OSCP1: variants seen among roughly 807,000 people sequenced by gnomAD.
The protein encoded by OSCP1 is protein OSCP1.
Under a neutral mutation model 45.1 loss-of-function variants are expected in OSCP1, and 35 were observed. The observed-to-expected ratio is 0.78, with a 90% CI of 0.59 to 1.03. The LOEUF (loss-of-function observed/expected upper bound fraction) is 1.03. Among genes scored for constraint, OSCP1 ranks in the 50% least tolerant of loss-of-function variants. The pLI is 0.00. For synonymous variants in OSCP1, 179 were observed against 180.1 expected, an observed-to-expected ratio of 0.99 and a Z score of 0.05; for missense variants, 400 against 470.7, an observed-to-expected ratio of 0.85 and a Z score of 1.39.
intron 1 of OSCP1, chr1:36,444,054 G>T: frequency 6.2e-7 from 1 of 1,609,268 alleles, no homozygotes; most frequent in Non-Finnish European, 8.5e-7. Flanking sequence ...CATACAAAAA[G>T]AAAACACCAG....
intron 1 of OSCP1, among the ~76,000 whole-genome samples, chr1:36,448,809 G>C (rs1007459383): frequency 3.3e-5 from 5 of 152,214 alleles, no homozygotes; most frequent in Admixed American, 3.3e-4. Flanking sequence ...GTGGAAGAAG[G>C]GACTGCAGAG....
At chr1:36,418,766 A>C (rs1039049639) in intron 9 of OSCP1, among the ~76,000 whole-genome samples, 23 of 150,408 alleles carry the variant, frequency 1.5e-4, no homozygotes, top group African/African-American at 2.2e-4. Flanking sequence ...AAAATACAAA[A>C]AAAAAAAAAA....
intron 4 of OSCP1, among the ~76,000 whole-genome samples, chr1:36,427,172 T>G (rs1374577226): frequency 2.0e-5 from 3 of 151,764 alleles, no homozygotes; most frequent in African/African-American, 7.3e-5. Flanking sequence ...GGCTAATTTT[T>G]GTATTTTTTA....
intron 9 of OSCP1, among the ~76,000 whole-genome samples, chr1:36,418,762 C>CAAA (rs34581789): frequency 7.3e-6 from 1 of 136,658 alleles, no homozygotes; most frequent in East Asian, 2.2e-4. Flanking sequence ...ACTAAAAATA[C>CAAA]AAAAAAAAAA....
Position 36,419,068 on chromosome 1 carries a change from T to C in OSCP1, c.960-14A>G. 2.5e-6 allele frequency: 4 copies of C among 1,604,764 alleles called. No individual in the cohort carries two copies. The highest frequency in any genetic ancestry group is 3.4e-6 in the Non-Finnish European group (4 of 1,171,468). ...AGCGCTGCTTGTCTGGATGAGATGG[T>C]AAAGAAAATGGGTGCAACATTAGGG... On this transcript the variant is annotated splice_polypyrimidine_tract_variant and intron_variant, in intron 8 of 9. Transcript: ENST00000235532.
chr1:36,437,334 A>T (rs541697172), intron 2 of OSCP1, among the ~76,000 whole-genome samples: 2 of 151,886 alleles, frequency 1.3e-5, no homozygotes, highest in East Asian at 1.9e-4. Context: ...ATTATTATTT[A>T]AAAAATCACA....
intron 1 of OSCP1, among the ~76,000 whole-genome samples, chr1:36,449,740 G>A (rs1289352846): frequency 6.8e-6 from 1 of 147,034 alleles, no homozygotes; most frequent in African/African-American, 2.5e-5. Context: ...GGGAGGCTGA[G>A]GCACGAGAAT....
intron 9 of OSCP1, chr1:36,418,685 GGC>G: frequency 2.9e-6 from 1 of 350,266 alleles, no homozygotes; most frequent in Non-Finnish European, 5.1e-6. Flanking sequence ...GGGAGGCCAA[GGC>G]GGGTGGATCA....
chr1:36,418,985 A>T lies in OSCP1; in HGVS notation c.1023+6T>A, dbSNP rs775983771. ...GATTGGACCCTGTGTTATCCCCTGTACGTACCTGGGTGGCTTGTATGTTGA... is the reference window on the plus strand; with the variant it reads ...GATTGGACCCTGTGTTATCCCCTGTTCGTACCTGGGTGGCTTGTATGTTGA... On this transcript the variant is annotated splice_donor_region_variant and intron_variant, in intron 9 of 9. Transcript: ENST00000235532. 6.3e-7 allele frequency: 1 copy of T among 1,596,606 alleles called. No homozygotes were observed. Among genetic ancestry groups the T allele is most frequent in the East Asian group, 2.2e-5 (1 of 44,788 alleles).
intron 2 of OSCP1, among the ~76,000 whole-genome samples, chr1:36,436,255 C>A: frequency 6.6e-6 from 1 of 151,646 alleles, no homozygotes; most frequent in Non-Finnish European, 1.5e-5. Context: ...AGGCGCCCAC[C>A]ACCACACCGG....
chr1:36,425,850 A>T (rs1352835536), intron 4 of OSCP1, among the ~76,000 whole-genome samples: 1 of 152,196 alleles, frequency 6.6e-6, no homozygotes, highest in Non-Finnish European at 1.5e-5. Flanking sequence ...AAATGGAGAA[A>T]ATAACACTTT....
rs1647397186 is a variant in OSCP1 at position 36,418,315 on chromosome 1, T to C, written c.1024-60A>G. On this transcript the variant is annotated intron_variant, in intron 9 of 9. Coordinates refer to ENST00000235532, the MANE Select transcript of OSCP1 (RefSeq NM_145047.5). ...AGGCTGTGCTGGCAGGCCGCCTCTT[T>C]GTGCACTAGGCACTTAGTTTTTTGT... The C allele has an allele frequency of 9.4e-6, 14 of 1,485,870 alleles. No individual in the cohort carries two copies. In the South Asian group the frequency reaches 1.4e-4, roughly 14 times the overall value. The allele number at this position is 1,485,870 out of a possible 1,614,324, so 92.0% of individuals were successfully genotyped here.
In OSCP1 at chr1:36,431,241, C is replaced by A. The variant is rs535109501; in HGVS notation, c.516+561G>T. The stretch of plus-strand genomic sequence containing the variant: ...AGAGGTTAGACTCAGGAGTCACAGG[C>A]AGAGGAGTTGGTAGACAAAAGGGTG... On this transcript the variant is annotated intron_variant, in intron 4 of 9. Coordinates refer to ENST00000235532, the MANE Select transcript of OSCP1 (RefSeq NM_145047.5). 2.2e-3 allele frequency among the ~76,000 whole-genome samples: 334 copies of A among 152,042 alleles called. 2 individuals are homozygous for A. Among genetic ancestry groups the A allele is most frequent in the African/African-American group, 7.7e-3 (321 of 41,472 alleles).
At chr1:36,432,020 G>A (rs947007202) in intron 3 of OSCP1, 138 bp from the exon 4 acceptor site, 11 of 711,296 alleles carry the variant, frequency 1.5e-5, no homozygotes, top group South Asian at 3.7e-5. Context: ...GAGGGGCAGC[G>A]GGGAGACCAG....
rs146308121 is a variant in OSCP1 at position 36,428,751 on chromosome 1, C to G, written c.516+3051G>C. 2.0e-3 allele frequency among the ~76,000 whole-genome samples: 309 copies of G among 152,132 alleles called. 2 individuals are homozygous for G. The highest frequency in any genetic ancestry group is 7.0e-3 in the African/African-American group (292 of 41,508). On this transcript the variant is annotated intron_variant, in intron 4 of 9. Transcript: ENST00000235532. ...CCTGAGGTCAAGAATTTGAGACCAG[C>G]CTGGCTAACATGGTGAAACCCCATC...
At chr1:36,439,617 TTA>T (rs1648993003) in intron 1 of OSCP1, among the ~76,000 whole-genome samples, 1 of 152,256 alleles carries the variant, frequency 6.6e-6, no homozygotes, top group African/African-American at 2.4e-5. Flanking sequence ...TAATTGACTC[TTA>T]ATAATACCTC....
intron 2 of OSCP1, among the ~76,000 whole-genome samples, chr1:36,435,370 C>T (rs1648655789): frequency 6.6e-6 from 1 of 151,462 alleles, no homozygotes; most frequent in South Asian, 2.1e-4. Context: ...TGGTGTTGAA[C>T]TCCCAGGCTC....
intron 4 of OSCP1, among the ~76,000 whole-genome samples, chr1:36,425,080 C>T (rs1463858142): frequency 3.3e-5 from 5 of 149,848 alleles, no homozygotes; most frequent in Admixed American, 6.7e-5. Flanking sequence ...GGACAAGGCA[C>T]GAGAATCGCT....
rs16822893 is a variant in OSCP1 at position 36,418,962 on chromosome 1, T to C, written c.1023+29A>G. 2,118 of 1,539,596 alleles carry C rather than the reference T, an allele frequency of 1.4e-3. 19 individuals carry two copies. The African/African-American group carries it at 0.024, about 18-fold the overall frequency. ...AAAAAAGATGAGGAAGCGAATACGA[T>C]TGGACCCTGTGTTATCCCCTGTACG... is the stretch of plus-strand genomic sequence containing the variant. On this transcript the variant is annotated intron_variant, in intron 9 of 9. Transcript: ENST00000235532.
Sources: gnomAD v4.1 joint callset for allele counts (sites outside exome capture counted in the v4.1 genomes callset) on GRCh38, gnomAD v4.1.1 for gene constraint, MANE v1.5 for transcripts, NCBI Gene and HGNC (gene_info 2026-07-23, HGNC 2026-07-21) for gene names.